Variants in USH2A observed in about 807,000 individuals in gnomAD.
The protein encoded by USH2A is usherin, also known as Usher syndrome 2A (autosomal recessive, mild).
USH2A carries 443 observed loss-of-function variants against 538.9 expected under a neutral mutation model. That is an observed-to-expected ratio of 0.82 (90% CI 0.76 to 0.89). The LOEUF is 0.89. USH2A is among the 40% of genes least tolerant of loss of function. The probability of loss-of-function intolerance (pLI) is 0.00; values close to 1 mark genes in which losing one functional copy is unlikely to be tolerated. For missense variants in USH2A, 6,633 were observed against 6,324.8 expected (o/e 1.05, Z -1.65); for synonymous variants, 2,413 against 2,273.5 (o/e 1.06, Z -1.75).
intron 50 of USH2A, among the ~76,000 whole-genome samples, chr1:215,796,710 C>T (rs999817215): frequency 5.3e-5 from 8 of 152,112 alleles, no homozygotes; most frequent in African/African-American, 1.9e-4. Context: ...TCATGTCTCT[C>T]ACTTTAAATC....
At chr1:216,260,031 G>A (rs1020771217) in intron 11 of USH2A, among the ~76,000 whole-genome samples, 1 of 152,042 alleles carries the variant, frequency 6.6e-6, no homozygotes, top group Non-Finnish European at 1.5e-5. Flanking sequence ...TTAAAAAAGA[G>A]TTAATAGTAA....
chr1:215,864,405 G>A (rs940927317), intron 44 of USH2A, among the ~76,000 whole-genome samples: 4 of 152,068 alleles, frequency 2.6e-5, no homozygotes, highest in African/African-American at 9.7e-5. Flanking sequence ...TATCTTTGGT[G>A]TATTTTGTTT....
chr1:216,083,274 C>A, intron 26 of USH2A, 182 bp downstream of exon 26: 1 of 545,262 alleles, frequency 1.8e-6, no homozygotes, highest in Non-Finnish European at 3.1e-6. Context: ...TAAAAAATTA[C>A]TAGGATAATA....
intron 47 of USH2A, among the ~76,000 whole-genome samples, chr1:215,820,233 A>G (rs2102799407): frequency 6.6e-6 from 1 of 151,524 alleles, no homozygotes; most frequent in East Asian, 1.9e-4. Context: ...AAAAGTCACC[A>G]TGTCTACACA....
chr1:215,993,219 A>C, intron 34 of USH2A, 52 bp from the exon 35 acceptor site: 2 of 1,613,638 alleles, frequency 1.2e-6, no homozygotes, highest in East Asian at 4.5e-5. Context: ...AAAAGTTTTC[A>C]TGAACATTGA....
chr1:215,949,674 T>C (rs1487095272), intron 37 of USH2A, among the ~76,000 whole-genome samples: 7 of 152,044 alleles, frequency 4.6e-5, no homozygotes, highest in Non-Finnish European at 1.0e-4. Context: ...AAGCAACATA[T>C]GTTTCAACTG....
intron 4 of USH2A, among the ~76,000 whole-genome samples, chr1:216,349,081 T>C (rs916439805): frequency 2.0e-5 from 3 of 152,162 alleles, no homozygotes; most frequent in African/African-American, 7.2e-5. Context: ...AGGATAAGCT[T>C]ACCGAATGTT....
At chr1:216,235,444 A>ATTAT (rs2035789596) in intron 13 of USH2A, among the ~76,000 whole-genome samples, 1 of 152,216 alleles carries the variant, frequency 6.6e-6, no homozygotes, top group South Asian at 2.1e-4. Flanking sequence ...TCGCTAGTTT[A>ATTAT]TTATTTTCCC....
In USH2A at chr1:216,050,560, T is replaced by TCTTTCTTCCTTTC. The variant is rs2030717766; in HGVS notation, c.6050-1914_6050-1913insGAAAGGAAGAAAG. Among the ~76,000 whole-genome samples the TCTTTCTTCCTTTC allele has an allele frequency of 1.1e-4, 4 of 35,704 alleles. 1 individual carries two copies. The highest frequency in any genetic ancestry group is 3.0e-4 in the African/African-American group (4 of 13,548). The allele number at this position is 35,704 out of a possible 152,430, so 23.4% of individuals were successfully genotyped here. ...ACATGCTACTAGACAATTTGTATCTTTTTCTTTCTTTCTTTCTTTCTTTCT... is the reference window on the plus strand; with the variant it reads ...ACATGCTACTAGACAATTTGTATCTTCTTTCTTCCTTTCTTTCTTTCTTTCTTTCTTTCTTTCT... On this transcript the variant is annotated intron_variant, in intron 30 of 71. Coordinates refer to ENST00000307340, the MANE Select transcript of USH2A (RefSeq NM_206933.4).
At chr1:216,269,977 A>G (rs1248850037) in intron 11 of USH2A, among the ~76,000 whole-genome samples, 3 of 152,156 alleles carry the variant, frequency 2.0e-5, no homozygotes, top group Admixed American at 1.3e-4. Flanking sequence ...AGTAATCCAT[A>G]TATGATTTAT....
At chr1:216,237,148 C>T (rs538709043) in intron 13 of USH2A, among the ~76,000 whole-genome samples, 86 of 152,234 alleles carry the variant, frequency 5.6e-4, no homozygotes, top group Middle Eastern at 3.4e-3. Flanking sequence ...ACTAAGTTCT[C>T]GGAGATAATT....
chr1:216,276,732 G>T (rs1403245157), intron 11 of USH2A, among the ~76,000 whole-genome samples: 2 of 152,106 alleles, frequency 1.3e-5, no homozygotes, highest in Non-Finnish European at 2.9e-5. Context: ...CTCTTACATG[G>T]ATGGCAGCAG....
chr1:215,879,901 A>G (rs1389807626), intron 41 of USH2A, among the ~76,000 whole-genome samples: 4 of 152,180 alleles, frequency 2.6e-5, no homozygotes, highest in Non-Finnish European at 4.4e-5. Context: ...AAAATCATTT[A>G]TTTACATGTT....
intron 21 of USH2A, among the ~76,000 whole-genome samples, chr1:216,136,511 A>G (rs1038318315): frequency 1.3e-5 from 2 of 152,160 alleles, no homozygotes; most frequent in Admixed American, 6.5e-5. Flanking sequence ...TCTTTCCTGC[A>G]TCAGATTGAT....
rs562219301 is a variant in USH2A, at chr1:216,013,661, C to T, written c.6326-13099G>A. On this transcript the variant is annotated intron_variant, in intron 32 of 71. Coordinates refer to ENST00000307340, the MANE Select transcript of USH2A (RefSeq NM_206933.4). ...GGCTCAAAAGCTCCCCCACTGAGTA[C>T]CTTGTGACCCCCACTCTGGCCTCCA... is the stretch of plus-strand genomic sequence containing the variant. 5.7e-3 allele frequency among the ~76,000 whole-genome samples: 871 copies of T among 151,670 alleles called. 4 individuals are homozygous for T. The highest frequency in any genetic ancestry group is 9.2e-3 in the Admixed American group (140 of 15,236).
chr1:215,901,243 C>G (rs1042304015), intron 38 of USH2A: 36 of 366,308 alleles, frequency 9.8e-5, no homozygotes, highest in Middle Eastern at 9.6e-4. Context: ...TCATTTAACT[C>G]TTTGTTCAAC....
chr1:215,859,688 A>C (rs1296658834), intron 44 of USH2A, among the ~76,000 whole-genome samples: 2 of 152,164 alleles, frequency 1.3e-5, no homozygotes, highest in African/African-American at 4.8e-5. Context: ...TGCATATACC[A>C]AGGGATGACT....
chr1:216,200,928 G>T (rs539189768), intron 16 of USH2A, among the ~76,000 whole-genome samples: 6 of 150,230 alleles, frequency 4.0e-5, no homozygotes, highest in African/African-American at 7.4e-5. Flanking sequence ...CAATATGAAG[G>T]TCCCAGCATA....
At position 215,945,187 on chromosome 1, in the gene USH2A, T is replaced by G. The variant is rs373482613; in HGVS notation, c.7121-10392A>C. Among the ~76,000 whole-genome samples, 3 of 152,128 alleles carry G rather than the reference T, an allele frequency of 2.0e-5. No individual in the cohort carries two copies. The East Asian group carries it at 5.8e-4, about 29-fold the overall frequency. ...AATTTGTTTGTAAAGCAAAGAGAGT[T>G]TGATATATAAATGTTGGCCTCATTG... On this transcript the variant is annotated intron_variant, in intron 37 of 71. Transcript: ENST00000307340.
Sources: gnomAD v4.1 joint callset for allele counts (sites outside exome capture counted in the v4.1 genomes callset) on GRCh38, gnomAD v4.1.1 for gene constraint, MANE v1.5 for transcripts, NCBI Gene and HGNC (gene_info 2026-07-23, HGNC 2026-07-21) for gene names.